Variants in SLC24A2 observed in about 807,000 individuals in gnomAD.
SLC24A2 encodes the protein sodium/potassium/calcium exchanger 2.
In SLC24A2, 36 loss-of-function variants were observed where a neutral mutation model predicts 62.0. The ratio of observed to expected loss-of-function variants is 0.58; its 90% CI spans 0.44 to 0.77. The LOEUF (loss-of-function observed/expected upper bound fraction) is 0.77, where lower values mean the gene tolerates loss of function less well. Among genes scored for constraint, SLC24A2 ranks in the 30% least tolerant of loss-of-function variants. The pLI is 0.00. For synonymous variants in SLC24A2, 358 were observed against 294.0 expected (o/e 1.22, Z -2.23); for missense variants, 846 against 817.9 (o/e 1.03, Z -0.42).
the SLC24A2 span, among the ~76,000 whole-genome samples, chr9:20,183,782 G>C: frequency 6.6e-6 from 1 of 152,212 alleles, no homozygotes; most frequent in Non-Finnish European, 1.5e-5. Flanking sequence ...GGTAGGCCTA[G>C]AGGGAGAGAG....
chr9:19,837,818 A>T, the SLC24A2 span, among the ~76,000 whole-genome samples: 2 of 152,030 alleles, frequency 1.3e-5, no homozygotes, highest in African/African-American at 4.8e-5. Context: ...CCCATTCACA[A>T]TTGCTTCAAA....
chr9:19,969,360 A>T, the SLC24A2 span, among the ~76,000 whole-genome samples: 2 of 152,210 alleles, frequency 1.3e-5, no homozygotes, highest in African/African-American at 4.8e-5. Context: ...GATCAAAGTT[A>T]AATGATAATT....
At chr9:19,686,224 C>T (rs1819876888) in intron 2 of SLC24A2, among the ~76,000 whole-genome samples, 1 of 152,036 alleles carries the variant, frequency 6.6e-6, no homozygotes, top group Non-Finnish European at 1.5e-5. Context: ...CCATCTCAAG[C>T]CAGTCATAAT....
At chr9:19,970,652 G>C in the SLC24A2 span, among the ~76,000 whole-genome samples, 1 of 152,242 alleles carries the variant, frequency 6.6e-6, no homozygotes. Flanking sequence ...GATGAAGACT[G>C]GTCCCCATAG....
the SLC24A2 span, among the ~76,000 whole-genome samples, chr9:20,084,278 T>C: frequency 6.6e-6 from 1 of 152,180 alleles, no homozygotes; most frequent in South Asian, 2.1e-4. Flanking sequence ...ACTTCAAGTG[T>C]AGTGGTGTGC....
At chr9:20,274,151 T>G in the SLC24A2 span, among the ~76,000 whole-genome samples, 4 of 152,098 alleles carry the variant, frequency 2.6e-5, no homozygotes, top group Non-Finnish European at 4.4e-5. Context: ...TATATTCTAG[T>G]GTGTGGGTGG....
chr9:20,053,109 G>A, the SLC24A2 span, among the ~76,000 whole-genome samples: 1 of 152,134 alleles, frequency 6.6e-6, no homozygotes, highest in African/African-American at 2.4e-5. Context: ...CAGCCATCTT[G>A]TCTCTAATAT....
the SLC24A2 span, among the ~76,000 whole-genome samples, chr9:20,298,954 A>C: frequency 2.0e-5 from 3 of 152,232 alleles, no homozygotes; most frequent in Non-Finnish European, 2.9e-5. Flanking sequence ...TGTGCTGAAC[A>C]GGGAGGATCC....
At chr9:19,951,975 T>A in the SLC24A2 span, among the ~76,000 whole-genome samples, 1 of 152,106 alleles carries the variant, frequency 6.6e-6, no homozygotes, top group Non-Finnish European at 1.5e-5. Context: ...GCATGATTTA[T>A]CTCCATTTAT....
the SLC24A2 span, among the ~76,000 whole-genome samples, chr9:20,013,228 T>TA: frequency 0.43 from 64,931 of 150,102 alleles, 14,609 homozygotes; most frequent in Non-Finnish European, 0.51. Context: ...AAACAGGACT[T>TA]AAAAAAAAAA....
the SLC24A2 span, among the ~76,000 whole-genome samples, chr9:20,229,348 T>A: frequency 6.6e-6 from 1 of 152,166 alleles, no homozygotes. Flanking sequence ...GGTATGAATA[T>A]CTACCTCATC....
intron 2 of SLC24A2, among the ~76,000 whole-genome samples, chr9:19,647,068 G>GCGCA (rs746685999): frequency 7.2e-4 from 58 of 80,046 alleles, no homozygotes; most frequent in East Asian, 3.8e-3. Flanking sequence ...ACACACGCGC[G>GCGCA]CACACACACA....
intron 2 of SLC24A2, among the ~76,000 whole-genome samples, chr9:19,707,225 A>G (rs1438297412): frequency 1.3e-5 from 2 of 152,160 alleles, no homozygotes; most frequent in Non-Finnish European, 2.9e-5. Flanking sequence ...GAATCTCTGA[A>G]TAGACCAATA....
At chr9:20,048,183 A>G in the SLC24A2 span, among the ~76,000 whole-genome samples, 1 of 152,238 alleles carries the variant, frequency 6.6e-6, no homozygotes, top group African/African-American at 2.4e-5. Flanking sequence ...CCTTAGTACT[A>G]TGAGTGTCAC....
the SLC24A2 span, among the ~76,000 whole-genome samples, chr9:19,987,469 G>T: frequency 6.6e-6 from 1 of 152,024 alleles, no homozygotes; most frequent in Non-Finnish European, 1.5e-5. Flanking sequence ...TAATATTAAG[G>T]ATTCATCTAG....
intron 2 of SLC24A2, among the ~76,000 whole-genome samples, chr9:19,762,864 T>C (rs912194606): frequency 1.3e-5 from 2 of 148,740 alleles, no homozygotes; most frequent in African/African-American, 5.0e-5. Flanking sequence ...AGAAAGTCAA[T>C]GGTAGCTTGA....
At chr9:19,654,441 TCTC>T (rs1818886384) in intron 2 of SLC24A2, among the ~76,000 whole-genome samples, 3 of 152,244 alleles carry the variant, frequency 2.0e-5, no homozygotes, top group Admixed American at 6.5e-5. Flanking sequence ...AACATGGTTT[TCTC>T]CTCAACTGGT....
chr9:20,160,632 T>TA, the SLC24A2 span, among the ~76,000 whole-genome samples: 1 of 151,128 alleles, frequency 6.6e-6, no homozygotes, highest in African/African-American at 2.4e-5. Context: ...CCATTTCATG[T>TA]AAAAAATTAT....
chr9:20,253,844 A>T, the SLC24A2 span, among the ~76,000 whole-genome samples: 1 of 152,164 alleles, frequency 6.6e-6, no homozygotes, highest in Admixed American at 6.5e-5. Context: ...GCACTGGGTC[A>T]GGTGTATGTC....
Sources: gnomAD v4.1 joint callset for allele counts (sites outside exome capture counted in the v4.1 genomes callset) on GRCh38, gnomAD v4.1.1 for gene constraint, MANE v1.5 for transcripts, NCBI Gene and HGNC (gene_info 2026-07-23, HGNC 2026-07-21) for gene names.